Variants in DENND1A observed in about 807,000 individuals in gnomAD.
DENND1A encodes the protein DENN domain-containing protein 1A.
A neutral mutation model predicts 113.7 loss-of-function variants in DENND1A; 51 were observed. That is an observed-to-expected ratio of 0.45 (90% CI 0.36 to 0.57). The LOEUF is 0.57. Among genes scored for constraint, DENND1A ranks in the 20% least tolerant of loss-of-function variants. The pLI is 0.00. For missense variants in DENND1A, 1,258 were observed against 1,395.9 expected (o/e 0.90, Z 1.57); for synonymous variants, 565 against 570.8 (o/e 0.99, Z 0.14).
At chr9:123,605,743 T>C (rs935640836) in intron 11 of DENND1A, among the ~76,000 whole-genome samples, 4 of 152,220 alleles carry the variant, frequency 2.6e-5, no homozygotes, top group Non-Finnish European at 5.9e-5. Context: ...AAAATAACCT[T>C]TTTAAAAATA....
At chr9:123,651,857 TA>T (rs11315081) in intron 9 of DENND1A, among the ~76,000 whole-genome samples, 155 bp downstream of exon 9, 136,384 of 149,708 alleles carry the variant, frequency 0.91, 62,197 homozygotes, top group Non-Finnish European at 0.95. Context: ...ATTGGCACTG[TA>T]AAAAAAAAAA....
chr9:123,818,449 T>C (rs962447276), intron 2 of DENND1A, among the ~76,000 whole-genome samples: 1 of 151,546 alleles, frequency 6.6e-6, no homozygotes, highest in Admixed American at 6.6e-5. Flanking sequence ...CCGAAACACT[T>C]GAGATCAGAA....
At chr9:123,799,879 C>T (rs562715584) in intron 2 of DENND1A, among the ~76,000 whole-genome samples, 3 of 152,266 alleles carry the variant, frequency 2.0e-5, no homozygotes, top group East Asian at 3.9e-4. Context: ...ACTGACATGT[C>T]GTAAGCACAC....
chr9:123,738,552 T>C (rs1168691777), intron 5 of DENND1A, among the ~76,000 whole-genome samples: 1 of 152,128 alleles, frequency 6.6e-6, no homozygotes, highest in Admixed American at 6.6e-5. Context: ...CATACTTTTC[T>C]CTTCCCTCTT....
chr9:123,687,099 C>A, intron 5 of DENND1A, among the ~76,000 whole-genome samples: 1 of 152,104 alleles, frequency 6.6e-6, no homozygotes, highest in Non-Finnish European at 1.5e-5. Context: ...CCAATCAACA[C>A]AAGCAGGCAG....
chr9:123,869,591 C>T (rs1293497010), intron 2 of DENND1A, among the ~76,000 whole-genome samples: 1 of 152,178 alleles, frequency 6.6e-6, no homozygotes, highest in African/African-American at 2.4e-5. Context: ...CTATCCCAAA[C>T]AAGACTTTTT....
chr9:123,713,397 G>C (rs1316602133), intron 5 of DENND1A, among the ~76,000 whole-genome samples: 1 of 152,162 alleles, frequency 6.6e-6, no homozygotes, highest in Non-Finnish European at 1.5e-5. Flanking sequence ...AGAACTTTAA[G>C]GAGTAACTGT....
chr9:123,916,544 T>C (rs987212799), intron 1 of DENND1A, among the ~76,000 whole-genome samples: 1 of 152,054 alleles, frequency 6.6e-6, no homozygotes, highest in Non-Finnish European at 1.5e-5. Context: ...AGCTTATTTT[T>C]GTATTTTTAG....
Position 123,652,057 on chromosome 9 carries a change from G to A in DENND1A, c.574C>T (p.Leu192=). The change falls in exon 9 of 24, where the codon CTG becomes TTG. Residue 192 remains leucine, a synonymous_variant. Transcript: ENST00000394215. ...NNMLHLYASM[L]YERRILIICS... is the part of the protein sequence containing the mutation. ...ATGATGAGTATCCGGCGTTCGTACAGCATACTGGCGTACAGATGCAACATG... is the reference window on the plus strand; with the variant it reads ...ATGATGAGTATCCGGCGTTCGTACAACATACTGGCGTACAGATGCAACATG... The A allele has an allele frequency of 6.2e-7, 1 of 1,614,078 alleles. No individual in the cohort carries two copies. Among genetic ancestry groups the A allele is most frequent in the South Asian group, 1.1e-5 (1 of 91,076 alleles).
chr9:123,818,089 T>A (rs558758836), intron 2 of DENND1A, among the ~76,000 whole-genome samples: 1 of 152,026 alleles, frequency 6.6e-6, no homozygotes, highest in Non-Finnish European at 1.5e-5. Flanking sequence ...TTATTGGTCA[T>A]TATAGTATTG....
At position 123,591,807 on chromosome 9, in the gene DENND1A, G is replaced by A. The variant is rs548529135; in HGVS notation, c.766-8537C>T. The stretch of plus-strand genomic sequence containing the variant: ...GCTCAACGAAAGCAAATCGGAGTTT[G>A]CTCAAGGAAGTGCAATGGGAATAAT... On this transcript the variant is annotated intron_variant, in intron 11 of 23. Coordinates refer to ENST00000394215, the MANE Select transcript of DENND1A (RefSeq NM_001352964.2). Among the ~76,000 whole-genome samples the A allele has an allele frequency of 2.6e-5, 4 of 152,352 alleles. 1 individual carries two copies. In the South Asian group the frequency reaches 8.3e-4, roughly 32 times the overall value.
intron 9 of DENND1A, among the ~76,000 whole-genome samples, chr9:123,630,710 A>T (rs977054954): frequency 6.6e-6 from 1 of 152,200 alleles, no homozygotes; most frequent in Admixed American, 6.5e-5. Context: ...GAAAATTTTT[A>T]AAATGGTGAA....
rs577208798 is a variant in DENND1A at position 123,543,265 on chromosome 9, T to G, written c.993+14305A>C. On this transcript the variant is annotated intron_variant, in intron 13 of 23. Coordinates refer to ENST00000394215, the MANE Select transcript of DENND1A (RefSeq NM_001352964.2). The stretch of plus-strand genomic sequence containing the variant: ...GTAAACTGCTGTGAGGAGTACTAGA[T>G]GCATGGAATGCTGATATGTATTTTG... Among the ~76,000 whole-genome samples the G allele has an allele frequency of 3.9e-5, 6 of 152,348 alleles. No individual in the cohort carries two copies. In the East Asian group the frequency reaches 1.2e-3, roughly 29 times the overall value.
intron 6 of DENND1A, among the ~76,000 whole-genome samples, chr9:123,674,151 C>T (rs1359380459): frequency 6.6e-6 from 1 of 152,078 alleles, no homozygotes; most frequent in Non-Finnish European, 1.5e-5. Context: ...GCTCCGACAC[C>T]CTGAGGCAGG....
In DENND1A at chr9:123,381,000, C is replaced by A; in HGVS notation, c.*432G>T. 1 of 200,836 alleles carries A rather than the reference C, an allele frequency of 5.0e-6. No homozygotes were observed. The highest frequency in any genetic ancestry group is 9.1e-5 in the South Asian group (1 of 11,008). The allele number at this position is 200,836 out of a possible 1,614,324, so 12.4% of individuals were successfully genotyped here. ...CTCAAACTGGAGGGTAACCCTGTCACCTGTGTCCGAGGAGGTGGGCGTGCA... is the reference window on the plus strand; with the variant it reads ...CTCAAACTGGAGGGTAACCCTGTCAACTGTGTCCGAGGAGGTGGGCGTGCA... On this transcript the variant is annotated 3_prime_UTR_variant, in exon 24 of 24. Coordinates refer to ENST00000394215, the MANE Select transcript of DENND1A (RefSeq NM_001352964.2).
At chr9:123,390,141 A>G (rs148866950) in intron 21 of DENND1A, among the ~76,000 whole-genome samples, 1 of 152,304 alleles carries the variant, frequency 6.6e-6, no homozygotes, top group Non-Finnish European at 1.5e-5. Flanking sequence ...CATAGATACC[A>G]TTTAACCTCT....
chr9:123,573,526 A>G (rs1396051598), intron 12 of DENND1A, among the ~76,000 whole-genome samples: 1 of 152,042 alleles, frequency 6.6e-6, no homozygotes, highest in Non-Finnish European at 1.5e-5. Flanking sequence ...ATTTTCTTAA[A>G]TTTATTCCTA....
chr9:123,407,716 C>T (rs1208015345), intron 20 of DENND1A, among the ~76,000 whole-genome samples: 1 of 152,120 alleles, frequency 6.6e-6, no homozygotes, highest in African/African-American at 2.4e-5. Context: ...CAGAGATTTC[C>T]AGCTCTGTTC....
Position 123,381,630 on chromosome 9 carries a change from A to G in DENND1A, c.3015T>C (p.Pro1005=). ...AETKQGLALR[P]GDPPLLPPRP... is the part of the protein sequence containing the mutation. ...TGGGAGGCAGAAGCGGGGGGTCTCC[A>G]GGCCTCAGGGCCAGCCCCTGCTTGG... The change falls in exon 24 of 24, where the codon CCT becomes CCC. Residue 1005 remains proline, a synonymous_variant. Transcript: ENST00000394215. The surrounding 1 kb of genome is among the most constrained non-coding windows in gnomAD (Gnocchi z 4.7). The G allele has an allele frequency of 4.3e-6, 7 of 1,611,824 alleles. No individual in the cohort carries two copies. Among genetic ancestry groups the G allele is most frequent in the Non-Finnish European group, 5.9e-6 (7 of 1,179,344 alleles).
Sources: allele counts gnomAD v4.1 joint callset (sites outside exome capture counted in the v4.1 genomes callset), GRCh38; gene constraint gnomAD v4.1.1; non-coding constraint Gnocchi (gnomAD v3.1); transcripts MANE v1.5; gene names NCBI Gene and HGNC (gene_info 2026-07-23, HGNC 2026-07-21).